The following GAP43 variants were observed in gnomAD, a reference collection of about 807,000 sequenced individuals.
The protein encoded by GAP43 is neuromodulin.
Under a neutral mutation model 18.6 loss-of-function variants are expected in GAP43, and 6 were observed. That is an observed-to-expected ratio of 0.32 (90% CI 0.18 to 0.64). GAP43 has a LOEUF of 0.64. GAP43 is among the 30% of genes least tolerant of loss of function. The probability of loss-of-function intolerance (pLI) is 0.78; values close to 1 mark genes in which losing one functional copy is unlikely to be tolerated. For missense variants in GAP43, 292 were observed against 295.5 expected, an observed-to-expected ratio of 0.99 and a Z score of 0.09; for synonymous variants, 115 against 111.4, an observed-to-expected ratio of 1.03 and a Z score of -0.20.
At chr3:115,633,023 AG>A (rs34396453) in intron 1 of GAP43, among the ~76,000 whole-genome samples, 34,458 of 150,842 alleles carry the variant, frequency 0.23, 3,905 homozygotes, top group East Asian at 0.31. Context: ...TATTGGAAAA[AG>A]AAAAAAAGCA....
chr3:115,693,730 T>A (rs1357189195), intron 2 of GAP43, among the ~76,000 whole-genome samples: 2 of 150,232 alleles, frequency 1.3e-5, no homozygotes, highest in Non-Finnish European at 3.0e-5. Flanking sequence ...GAGAGAAGAG[T>A]TGTGAAGTCT....
chr3:115,661,831 C>CCTTTTTTTTTT (rs1708663581), intron 1 of GAP43, among the ~76,000 whole-genome samples: 1 of 105,970 alleles, frequency 9.4e-6, no homozygotes, highest in Non-Finnish European at 1.7e-5. Flanking sequence ...GAAACTAGGG[C>CCTTTTTTTTTT]TTTTTTTTTT....
At chr3:115,715,080 G>A (rs1232776497) in intron 2 of GAP43, among the ~76,000 whole-genome samples, 4 of 152,000 alleles carry the variant, frequency 2.6e-5, no homozygotes, top group Admixed American at 6.6e-5. Context: ...TCATGAGTCC[G>A]CTACCCTCAT....
chr3:115,708,418 T>G (rs1204841658), intron 2 of GAP43, among the ~76,000 whole-genome samples: 1 of 152,212 alleles, frequency 6.6e-6, no homozygotes, highest in Non-Finnish European at 1.5e-5. Context: ...CAGTTTTTAA[T>G]TTTTGGTTAA....
intron 1 of GAP43, among the ~76,000 whole-genome samples, chr3:115,641,770 C>T (rs181259059): frequency 1.3e-5 from 2 of 152,138 alleles, no homozygotes; most frequent in Admixed American, 6.5e-5. Context: ...TAGGAATTAT[C>T]TAGTTTGTTT....
rs112441099 is a variant in GAP43 at position 115,720,529 on chromosome 3, T to C, written c.629-265T>C. Among the ~76,000 whole-genome samples, 672 of 152,286 alleles carry C rather than the reference T, an allele frequency of 4.4e-3. 3 individuals carry two copies. Among genetic ancestry groups the C allele is most frequent in the African/African-American group, 0.014 (593 of 41,564 alleles). On this transcript the variant is annotated intron_variant, in intron 2 of 2. Transcript: ENST00000305124. ...TGTAAGGCTGAGAGATTAAAGACCA[T>C]AGTAACTTTTGTTAAGTGGTCTCCT...
intron 1 of GAP43, among the ~76,000 whole-genome samples, chr3:115,646,176 G>A (rs1708455599): frequency 1.3e-5 from 2 of 152,114 alleles, no homozygotes; most frequent in South Asian, 4.1e-4. Flanking sequence ...GTCAGCCTTA[G>A]ATAAACAGAT....
intron 1 of GAP43, among the ~76,000 whole-genome samples, chr3:115,631,908 G>A (rs754205221): frequency 1.4e-4 from 21 of 152,004 alleles, no homozygotes; most frequent in Non-Finnish European, 2.5e-4. Flanking sequence ...GGCATGAGCC[G>A]GGCACGGCTC....
chr3:115,701,396 A>G (rs1209939964), intron 2 of GAP43, among the ~76,000 whole-genome samples: 1 of 151,968 alleles, frequency 6.6e-6, no homozygotes, highest in Non-Finnish European at 1.5e-5. Context: ...GGGTAGGGTC[A>G]TTTAAAGAGC....
At chr3:115,656,223 A>G (rs1708579738) in intron 1 of GAP43, among the ~76,000 whole-genome samples, 1 of 152,220 alleles carries the variant, frequency 6.6e-6, no homozygotes, top group Non-Finnish European at 1.5e-5. Context: ...AATTTAGAAT[A>G]GTGATTCTTG....
chr3:115,626,302 G>A (rs1021647506), intron 1 of GAP43, among the ~76,000 whole-genome samples: 1 of 152,186 alleles, frequency 6.6e-6, no homozygotes, highest in Non-Finnish European at 1.5e-5. Flanking sequence ...CAGCAGAAAC[G>A]TGGGAGGGGG....
chr3:115,634,292 A>G (rs1486341416), intron 1 of GAP43, among the ~76,000 whole-genome samples: 1 of 152,160 alleles, frequency 6.6e-6, no homozygotes, highest in East Asian at 1.9e-4. Context: ...GAGGATGCAT[A>G]TCCTCTTCCT....
intron 1 of GAP43, among the ~76,000 whole-genome samples, chr3:115,633,290 C>T (rs1708286668): frequency 6.6e-6 from 1 of 151,998 alleles, no homozygotes; most frequent in South Asian, 2.1e-4. Context: ...TTTATTGGTC[C>T]TGCTTGGGTC....
chr3:115,670,227 A>G (rs1435815111), intron 1 of GAP43, among the ~76,000 whole-genome samples: 1 of 125,548 alleles, frequency 8.0e-6, no homozygotes, highest in Non-Finnish European at 1.6e-5. Flanking sequence ...ATTCCCACCT[A>G]TGAGTGAGAA....
intron 1 of GAP43, among the ~76,000 whole-genome samples, chr3:115,659,300 T>G (rs1456728845): frequency 6.6e-6 from 1 of 152,184 alleles, no homozygotes; most frequent in Non-Finnish European, 1.5e-5. Flanking sequence ...TTAAAAAGTT[T>G]TCTAGGCTTT....
At position 115,644,238 on chromosome 3, in the gene GAP43, G is replaced by C. The variant is rs1708431626; in HGVS notation, c.30+20519G>C. On this transcript the variant is annotated intron_variant, in intron 1 of 2. Transcript: ENST00000305124. The surrounding 1 kb of genome is among the most constrained non-coding windows in gnomAD (Gnocchi z 4.2). The stretch of plus-strand genomic sequence containing the variant: ...ACTCATTAAATTGTCAAGTGTAACT[G>C]TATTATTTATTTATTTATTGCAGGC... 6.6e-6 allele frequency among the ~76,000 whole-genome samples: 1 copy of C among 152,050 alleles called. No individual in the cohort carries two copies. Among genetic ancestry groups the C allele is most frequent in the Non-Finnish European group, 1.5e-5 (1 of 67,976 alleles).
At position 115,644,766 on chromosome 3, in the gene GAP43, G is replaced by A. The variant is rs1407869489; in HGVS notation, c.30+21047G>A. ...ATTTGTGGGAATTGAAGGATAAAAT[G>A]TATAATGGCAAGTGGCACAATGTCA... On this transcript the variant is annotated intron_variant, in intron 1 of 2. Transcript: ENST00000305124. This position sits in a 1 kb window ranked among gnomAD's most constrained non-coding sequence, Gnocchi z 4.2. Among the ~76,000 whole-genome samples the A allele has an allele frequency of 1.3e-5, 2 of 152,162 alleles. No homozygotes were observed. Among genetic ancestry groups the A allele is most frequent in the Middle Eastern group, 3.4e-3 (1 of 294 alleles).
intron 2 of GAP43, among the ~76,000 whole-genome samples, chr3:115,718,561 A>G (rs1709539202): frequency 6.6e-6 from 1 of 152,182 alleles, no homozygotes; most frequent in African/African-American, 2.4e-5. Flanking sequence ...AATTACAGTC[A>G]CTTTGGAAAG....
intron 1 of GAP43, among the ~76,000 whole-genome samples, chr3:115,650,995 T>C (rs1261330273): frequency 1.3e-5 from 2 of 151,956 alleles, no homozygotes; most frequent in Non-Finnish European, 2.9e-5. Flanking sequence ...AGCTGGGCAT[T>C]GTGGCATGCC....
Sources: allele counts gnomAD v4.1 joint callset (sites outside exome capture counted in the v4.1 genomes callset), GRCh38; gene constraint gnomAD v4.1.1; non-coding constraint Gnocchi (gnomAD v3.1); transcripts MANE v1.5; gene names NCBI Gene and HGNC (gene_info 2026-07-23, HGNC 2026-07-21).